The following MACROD2 variants were observed in gnomAD, a reference collection of about 807,000 sequenced individuals.
MACROD2 encodes the protein ADP-ribose glycohydrolase MACROD2.
In MACROD2, 36 loss-of-function variants were observed where a neutral mutation model predicts 70.4. The ratio of observed to expected loss-of-function variants is 0.51; its 90% confidence interval spans 0.39 to 0.68. The LOEUF (loss-of-function observed/expected upper bound fraction) is 0.68. Among genes scored for constraint, MACROD2 ranks in the 30% least tolerant of loss-of-function variants. The probability of loss-of-function intolerance (pLI) is 0.00; values close to 1 mark genes in which losing one functional copy is unlikely to be tolerated. For missense variants in MACROD2, 496 were observed against 538.4 expected, an observed-to-expected ratio of 0.92 and a Z score of 0.78; for synonymous variants, 172 against 178.8, an observed-to-expected ratio of 0.96 and a Z score of 0.30.
intron 5 of MACROD2, among the ~76,000 whole-genome samples, chr20:14,823,151 G>A (rs2072865783): frequency 6.6e-6 from 1 of 152,078 alleles, no homozygotes; most frequent in Non-Finnish European, 1.5e-5. Flanking sequence ...ACAAAAAGCT[G>A]TGGACTCTTA....
chr20:15,607,687 C>T (rs1600661193), intron 8 of MACROD2, among the ~76,000 whole-genome samples: 1 of 152,270 alleles, frequency 6.6e-6, no homozygotes, highest in African/African-American at 2.4e-5. Flanking sequence ...GTGCTCACCA[C>T]CACACCCGGA....
At chr20:15,532,078 T>G (rs1212882928) in intron 8 of MACROD2, among the ~76,000 whole-genome samples, 2 of 152,176 alleles carry the variant, frequency 1.3e-5, no homozygotes, top group African/African-American at 4.8e-5. Flanking sequence ...ACTTAGTATA[T>G]GTAGTAAGTC....
chr20:15,176,699 A>G (rs1317618078), intron 5 of MACROD2, among the ~76,000 whole-genome samples: 2 of 152,138 alleles, frequency 1.3e-5, no homozygotes, highest in African/African-American at 4.8e-5. Flanking sequence ...CTGGATGTGG[A>G]ACAAGAACTC....
intron 3 of MACROD2, among the ~76,000 whole-genome samples, chr20:14,446,900 T>C (rs1211398709): frequency 6.6e-6 from 1 of 152,168 alleles, no homozygotes; most frequent in African/African-American, 2.4e-5. Flanking sequence ...AAACAATGCC[T>C]ATAACTTATA....
chr20:15,275,434 C>A (rs1244580510), intron 6 of MACROD2, among the ~76,000 whole-genome samples: 1 of 152,130 alleles, frequency 6.6e-6, no homozygotes, highest in Non-Finnish European at 1.5e-5. Context: ...AGCCCTCTGG[C>A]TGAAATATGG....
At chr20:15,533,685 T>C (rs1042627662) in intron 8 of MACROD2, among the ~76,000 whole-genome samples, 22 of 152,092 alleles carry the variant, frequency 1.4e-4, no homozygotes, top group African/African-American at 5.1e-4. Flanking sequence ...CAGGCATAGC[T>C]GATGTTGTAT....
At chr20:15,011,890 T>C (rs1011953419) in intron 5 of MACROD2, among the ~76,000 whole-genome samples, 7 of 152,112 alleles carry the variant, frequency 4.6e-5, no homozygotes, top group Admixed American at 2.0e-4. Flanking sequence ...TGAAGATGCA[T>C]TGAGCGCCGT....
At chr20:15,173,790 A>T (rs758994785) in intron 5 of MACROD2, among the ~76,000 whole-genome samples, 3 of 152,194 alleles carry the variant, frequency 2.0e-5, no homozygotes, top group Non-Finnish European at 2.9e-5. Flanking sequence ...TGAAGCACTC[A>T]TAAGGAGTCC....
rs545616010 is a variant in MACROD2 at position 15,989,581 on chromosome 20, AT to A, written c.1153+2431del. On this transcript the variant is annotated intron_variant, in intron 15 of 17. Coordinates refer to ENST00000684519, the MANE Select transcript of MACROD2 (RefSeq NM_001351661.2). ...ACTAGTAAATAAATTCAAAGTAGCA[AT>A]TTTTTTTACTTTCTTTTTATTTAGT... 7.1e-3 allele frequency among the ~76,000 whole-genome samples: 1,072 copies of A among 152,044 alleles called. 9 individuals are homozygous for A. Among genetic ancestry groups the A allele is most frequent in the African/African-American group, 0.025 (1,023 of 41,492 alleles).
intron 3 of MACROD2, among the ~76,000 whole-genome samples, chr20:14,110,223 C>A (rs886638654): frequency 6.6e-6 from 1 of 151,868 alleles, no homozygotes; most frequent in East Asian, 1.9e-4. Context: ...ATAGAAGGAA[C>A]GTATCTCAAC....
At chr20:15,842,712 G>GATA (rs77294203) in intron 8 of MACROD2, among the ~76,000 whole-genome samples, 23 of 141,694 alleles carry the variant, frequency 1.6e-4, no homozygotes, top group African/African-American at 5.0e-4. Flanking sequence ...GTGGGTGGAT[G>GATA]GATAGATAGA....
intron 5 of MACROD2, among the ~76,000 whole-genome samples, chr20:14,699,002 A>T (rs886223994): frequency 3.9e-5 from 6 of 151,946 alleles, no homozygotes; most frequent in African/African-American, 1.4e-4. Context: ...CCTACCAAGC[A>T]AGTTTTAGGT....
chr20:14,444,054 C>T (rs1022996954), intron 3 of MACROD2, among the ~76,000 whole-genome samples: 2 of 151,938 alleles, frequency 1.3e-5, no homozygotes, highest in Admixed American at 6.6e-5. Context: ...CTAAAAACTA[C>T]AATATGATTA....
At chr20:15,259,182 T>TAAC (rs145254296) in intron 6 of MACROD2, among the ~76,000 whole-genome samples, 2,417 of 151,382 alleles carry the variant, frequency 0.016, 24 homozygotes, top group Non-Finnish European at 0.02. Flanking sequence ...GGTAATTTTT[T>TAAC]AACAACAACA....
At chr20:14,580,250 T>A (rs1210709796) in intron 4 of MACROD2, among the ~76,000 whole-genome samples, 1 of 152,236 alleles carries the variant, frequency 6.6e-6, no homozygotes, top group Non-Finnish European at 1.5e-5. Flanking sequence ...TTTTAATTGC[T>A]GAGCAAAATC....
intron 2 of MACROD2, among the ~76,000 whole-genome samples, chr20:14,029,121 A>C (rs1288889649): frequency 6.6e-6 from 1 of 152,190 alleles, no homozygotes; most frequent in African/African-American, 2.4e-5. Context: ...TGTTCGTTAA[A>C]TGGATTGTTG....
chr20:14,051,877 A>G (rs1051994655), intron 2 of MACROD2: 5 of 514,572 alleles, frequency 9.7e-6, no homozygotes, highest in African/African-American at 3.9e-5. Flanking sequence ...TGGTTTCAAT[A>G]TGCCACATCT....
At chr20:14,302,817 T>C (rs997428998) in intron 3 of MACROD2, among the ~76,000 whole-genome samples, 14 of 152,048 alleles carry the variant, frequency 9.2e-5, no homozygotes, top group African/African-American at 3.1e-4. Flanking sequence ...CATGCCTGGT[T>C]AATTTTTTGT....
chr20:15,867,698 CT>C (rs983665472), intron 9 of MACROD2, among the ~76,000 whole-genome samples: 1 of 151,624 alleles, frequency 6.6e-6, no homozygotes, highest in South Asian at 2.1e-4. Flanking sequence ...GTCATTTTTT[CT>C]TTTTTTTCTA....
Sources: allele counts gnomAD v4.1 joint callset (sites outside exome capture counted in the v4.1 genomes callset), GRCh38; gene constraint gnomAD v4.1.1; transcripts MANE v1.5; gene names NCBI Gene and HGNC (gene_info 2026-07-23, HGNC 2026-07-21).